Variants in ARID4B observed in about 807,000 individuals in gnomAD.
ARID4B encodes AT-rich interaction domain 4B.
In ARID4B, 26 loss-of-function variants were observed where a neutral mutation model predicts 147.5. That is an observed-to-expected ratio of 0.18 (90% confidence interval 0.13 to 0.24). The LOEUF is 0.24. ARID4B is among the 10% of genes least tolerant of loss of function. The pLI, the probability that ARID4B is intolerant of heterozygous loss-of-function variation, is 1.00. For synonymous variants in ARID4B, 512 were observed against 507.9 expected, an observed-to-expected ratio of 1.01 and a Z score of -0.11; for missense variants, 1,179 against 1,511.5, an observed-to-expected ratio of 0.78 and a Z score of 3.65.
At chr1:235,230,779 C>T (rs1370747400) in intron 10 of ARID4B, among the ~76,000 whole-genome samples, 2 of 151,568 alleles carry the variant, frequency 1.3e-5, no homozygotes, top group South Asian at 2.1e-4. Flanking sequence ...AAAAATTAGC[C>T]GGGCATGGCG....
At chr1:235,223,684 CA>C (rs1412709533) in intron 12 of ARID4B, among the ~76,000 whole-genome samples, 9 of 117,144 alleles carry the variant, frequency 7.7e-5, no homozygotes, top group Non-Finnish European at 1.5e-4. Context: ...AGTAAAGCTA[CA>C]TTTTTTTTTT....
intron 2 of ARID4B, among the ~76,000 whole-genome samples, chr1:235,278,970 C>T (rs1671503393): frequency 6.6e-6 from 1 of 152,112 alleles, no homozygotes; most frequent in Admixed American, 6.5e-5. Context: ...GTCACCCAGG[C>T]TGGAAATCCT....
chr1:235,207,648 T>C (rs1249043958), intron 17 of ARID4B, among the ~76,000 whole-genome samples: 1 of 152,180 alleles, frequency 6.6e-6, no homozygotes, highest in Non-Finnish European at 1.5e-5. Context: ...GGACCACTTC[T>C]TGGTATCTTT....
At chr1:235,323,003 G>A (rs1261778254) in intron 2 of ARID4B, among the ~76,000 whole-genome samples, 1 of 151,366 alleles carries the variant, frequency 6.6e-6, no homozygotes, top group Non-Finnish European at 1.5e-5. Context: ...AAGTACATCT[G>A]GAAAATTCAA....
chr1:235,303,427 C>T (rs115489469), intron 2 of ARID4B, among the ~76,000 whole-genome samples: 2,224 of 151,826 alleles, frequency 0.015, 33 homozygotes, highest in Non-Finnish European at 0.019. Flanking sequence ...CAACTTGACT[C>T]CAAGAACGAA....
At chr1:235,298,335 T>A (rs1035812121) in intron 2 of ARID4B, among the ~76,000 whole-genome samples, 1 of 152,096 alleles carries the variant, frequency 6.6e-6, no homozygotes, top group Non-Finnish European at 1.5e-5. Flanking sequence ...ATGAAGTGTA[T>A]TCGTCTCTAA....
At chr1:235,228,324 C>T (rs1263242046) in intron 11 of ARID4B, 5 of 116,726 alleles carry the variant, frequency 4.3e-5, no homozygotes, top group South Asian at 3.1e-4. Context: ...AAGACAGGGT[C>T]TCACTCTGTC....
At chr1:235,290,100 A>G (rs1672240755) in intron 2 of ARID4B, among the ~76,000 whole-genome samples, 1 of 152,056 alleles carries the variant, frequency 6.6e-6, no homozygotes, top group South Asian at 2.1e-4. Context: ...TCAGAAGTCT[A>G]GTAATGTACA....
At chr1:235,177,238 AT>A (rs1449370130) in intron 21 of ARID4B, among the ~76,000 whole-genome samples, 1 of 152,250 alleles carries the variant, frequency 6.6e-6, no homozygotes, top group African/African-American at 2.4e-5. Context: ...TAGTTGAAAT[AT>A]TTCACAATGT....
Position 235,194,107 on chromosome 1 carries a change from T to C in ARID4B, c.2031A>G (p.Glu677=). 1.2e-6 allele frequency: 2 copies of C among 1,613,116 alleles called. No individual in the cohort carries two copies. Among genetic ancestry groups the C allele is most frequent in the Non-Finnish European group, 1.7e-6 (2 of 1,179,076 alleles). The stretch of plus-strand genomic sequence containing the variant: ...CAGTGAGATCCAGTTTGGATACCAT[T>C]TCAGGAGATGGATTTGTCTGAAATG... ...KPPFQTNPSP[E]MVSKLDLTDA... is the part of the protein sequence containing the mutation. Residue 677 remains glutamate, a synonymous_variant, in exon 19 of 24, where the codon GAA becomes GAG. Transcript: ENST00000264183.
chr1:235,273,331 A>G (rs753024092), intron 2 of ARID4B, among the ~76,000 whole-genome samples: 32 of 152,214 alleles, frequency 2.1e-4, no homozygotes, highest in Non-Finnish European at 4.1e-4. Flanking sequence ...AGCATGAGCC[A>G]CCGCACTCAG....
In ARID4B at chr1:235,167,954, TA is replaced by T. The variant is rs1571876146; in HGVS notation, c.*570del. The T allele has an allele frequency of 3.0e-5, 6 of 196,842 alleles. No homozygotes were observed. The East Asian group carries it at 4.8e-4, about 16-fold the overall frequency. 12.2% of individuals were successfully genotyped at this position (196,842 alleles called of 1,614,324 possible). ...ACCTGTAAACATGTTCAGTCTTTTT[TA>T]AAGAGAATCTTTAATATTTGGTTAC... On this transcript the variant is annotated 3_prime_UTR_variant, in exon 24 of 24. Coordinates refer to ENST00000264183, the MANE Select transcript of ARID4B (RefSeq NM_016374.6).
intron 15 of ARID4B, 38 bp downstream of exon 15, chr1:235,220,264 C>G (rs1667367676): frequency 3.2e-6 from 5 of 1,541,702 alleles, no homozygotes; most frequent in South Asian, 1.3e-5. Context: ...GAAAATATAC[C>G]AAAGAAAGCA....
At chr1:235,325,314 CT>C (rs1454405581) in intron 2 of ARID4B, among the ~76,000 whole-genome samples, 1 of 151,244 alleles carries the variant, frequency 6.6e-6, no homozygotes, top group African/African-American at 2.4e-5. Context: ...TACCAAGAAA[CT>C]TTTAAGGCTA....
intron 2 of ARID4B, among the ~76,000 whole-genome samples, chr1:235,325,577 T>C (rs1343803087): frequency 6.6e-6 from 1 of 152,196 alleles, no homozygotes; most frequent in African/African-American, 2.4e-5. Context: ...ACCAAAACTT[T>C]TCTTAAGAAA....
At chr1:235,214,075 T>C in intron 16 of ARID4B, 49 bp from the exon 17 acceptor site, 1 of 1,552,060 alleles carries the variant, frequency 6.4e-7, no homozygotes, top group Non-Finnish European at 8.7e-7. Flanking sequence ...ACTTCATAAG[T>C]TTTTCAGTTC....
intron 2 of ARID4B, among the ~76,000 whole-genome samples, chr1:235,308,437 C>CT (rs1673736519): frequency 1.4e-5 from 2 of 145,428 alleles, no homozygotes; most frequent in African/African-American, 5.4e-5. Flanking sequence ...GAAACAGGGG[C>CT]TCCCCCTCCC....
At chr1:235,234,760 GT>G (rs1451038615) in intron 8 of ARID4B, among the ~76,000 whole-genome samples, 3 of 152,186 alleles carry the variant, frequency 2.0e-5, no homozygotes, top group Non-Finnish European at 4.4e-5. Context: ...GGATGAAGCT[GT>G]GGACGAAGTT....
In ARID4B at chr1:235,181,845, G is replaced by A. The variant is rs774249638; in HGVS notation, c.3074C>T (p.Thr1025Ile). Residue 1025 changes from threonine to isoleucine, a missense_variant, in exon 20 of 24, where the codon ACT (threonine) becomes ATT (isoleucine). This residue lies in a region of ARID4B where 357 missense variants were observed against 427.3 expected (regional missense o/e 0.84). Coordinates refer to ENST00000264183, the MANE Select transcript of ARID4B (RefSeq NM_016374.6). ...GSNSVLNTPP[T>I]TPESPSSVTV... is the part of the protein sequence containing the mutation. ...GACTGATGAAGGCGATTCAGGTGTA[G>A]TAGGAGGGGTATTTAGCACTGAATT... 1 of 1,614,164 alleles carries A rather than the reference G, an allele frequency of 6.2e-7. No individual in the cohort carries two copies. Among genetic ancestry groups the A allele is most frequent in the Non-Finnish European group, 8.5e-7 (1 of 1,180,028 alleles).
Sources: gnomAD v4.1 joint callset for allele counts (sites outside exome capture counted in the v4.1 genomes callset) on GRCh38, gnomAD v4.1.1 for gene constraint, gnomAD v4.1.1 regional missense constraint, MANE v1.5 for transcripts, NCBI Gene and HGNC (gene_info 2026-07-23, HGNC 2026-07-21) for gene names.